The following CA10 variants were observed in gnomAD, a reference collection of about 807,000 sequenced individuals.
The protein encoded by CA10 is carbonic anhydrase 10 (inactive), also known as carbonic anhydrase-related protein 10.
Under a neutral mutation model 44.2 loss-of-function variants are expected in CA10, and 14 were observed. That is an observed-to-expected ratio of 0.32 (90% CI 0.21 to 0.50). CA10 has a LOEUF of 0.50. Ranked by LOEUF, CA10 falls within the 20% of genes least tolerant of loss-of-function variation. The pLI is 0.99. For synonymous variants in CA10, 159 were observed against 141.6 expected, an observed-to-expected ratio of 1.12 and a Z score of -0.87; for missense variants, 350 against 409.7, an observed-to-expected ratio of 0.85 and a Z score of 1.26.
chr17:51,886,812 G>A (rs913964182), intron 3 of CA10, among the ~76,000 whole-genome samples: 2 of 152,164 alleles, frequency 1.3e-5, no homozygotes, highest in African/African-American at 4.8e-5. Flanking sequence ...TTTGTTCTCT[G>A]TTTGAGCTTG....
chr17:51,646,480 G>A (rs1913342655), intron 6 of CA10, among the ~76,000 whole-genome samples: 1 of 152,132 alleles, frequency 6.6e-6, no homozygotes, highest in Non-Finnish European at 1.5e-5. Context: ...TCAGTAGCAT[G>A]GTAGAAATGG....
At chr17:51,930,418 G>T (rs1032317639) in intron 3 of CA10, among the ~76,000 whole-genome samples, 14 of 152,094 alleles carry the variant, frequency 9.2e-5, no homozygotes, top group African/African-American at 3.1e-4. Context: ...AGCTCGTTAT[G>T]GGGGGAGGAG....
At chr17:51,688,062 G>A (rs1227620176) in intron 4 of CA10, among the ~76,000 whole-genome samples, 1 of 152,186 alleles carries the variant, frequency 6.6e-6, no homozygotes, top group African/African-American at 2.4e-5. Context: ...GCTTTGGGGG[G>A]AGATGGCTGC....
At chr17:51,665,668 C>T (rs1914179281) in intron 4 of CA10, among the ~76,000 whole-genome samples, 1 of 152,196 alleles carries the variant, frequency 6.6e-6, no homozygotes, top group Admixed American at 6.5e-5. Flanking sequence ...TACAAATCTG[C>T]ACAGCATGTT....
chr17:51,757,309 C>T (rs1270672982), intron 3 of CA10, among the ~76,000 whole-genome samples: 1 of 152,150 alleles, frequency 6.6e-6, no homozygotes, highest in African/African-American at 2.4e-5. Context: ...AAACTGGAGT[C>T]AAATCATTGG....
At chr17:52,048,044 T>TAAAA (rs5820901) in intron 2 of CA10, among the ~76,000 whole-genome samples, 10 of 149,496 alleles carry the variant, frequency 6.7e-5, no homozygotes, top group South Asian at 2.1e-4. Flanking sequence ...CCACAAAAAT[T>TAAAA]AAAAAAAAAA....
chr17:52,003,064 A>C (rs1985481604), intron 2 of CA10, among the ~76,000 whole-genome samples: 1 of 151,970 alleles, frequency 6.6e-6, no homozygotes, highest in Admixed American at 6.6e-5. Flanking sequence ...TGTTCTTTCT[A>C]GAGATCAAGC....
chr17:51,971,617 T>C (rs1232221396), intron 2 of CA10, among the ~76,000 whole-genome samples: 1 of 152,056 alleles, frequency 6.6e-6, no homozygotes, highest in Non-Finnish European at 1.5e-5. Flanking sequence ...GTTAATCTTA[T>C]TTACTGATTT....
intron 4 of CA10, among the ~76,000 whole-genome samples, chr17:51,662,398 A>G (rs773488648): frequency 5.9e-5 from 9 of 152,214 alleles, no homozygotes; most frequent in Non-Finnish European, 1.2e-4. Flanking sequence ...AGGCACAGAG[A>G]GGTTAAGCAC....
At chr17:51,976,623 T>C (rs894395443) in intron 2 of CA10, among the ~76,000 whole-genome samples, 1 of 152,016 alleles carries the variant, frequency 6.6e-6, no homozygotes, top group African/African-American at 2.4e-5. Context: ...GGGAAATTTA[T>C]AGTGTTACAT....
At chr17:52,084,184 G>A (rs1354379926) in intron 1 of CA10, among the ~76,000 whole-genome samples, 1 of 152,170 alleles carries the variant, frequency 6.6e-6, no homozygotes, top group African/African-American at 2.4e-5. Context: ...TCTTCGCTGG[G>A]ACAAAGCCCA....
At chr17:51,703,393 T>C (rs1318416285) in intron 4 of CA10, among the ~76,000 whole-genome samples, 1 of 152,062 alleles carries the variant, frequency 6.6e-6, no homozygotes. Context: ...ACTGGGAGTG[T>C]CCCTAGCAGA....
intron 4 of CA10, among the ~76,000 whole-genome samples, chr17:51,667,694 G>A (rs1017983107): frequency 2.0e-4 from 31 of 152,128 alleles, no homozygotes; most frequent in African/African-American, 7.5e-4. Context: ...GTTTTACAGA[G>A]GGATCTTTGG....
intron 1 of CA10, among the ~76,000 whole-genome samples, chr17:52,157,307 G>A (rs1183958293): frequency 1.3e-5 from 2 of 152,108 alleles, no homozygotes; most frequent in Non-Finnish European, 2.9e-5. Flanking sequence ...AAAGTGGTTA[G>A]ATACCCGGGC....
At position 51,635,879 on chromosome 17, in the gene CA10, T is replaced by C. The variant is rs201459353; in HGVS notation, c.765A>G (p.Lys255=). The change falls in exon 7 of 9, where the codon AAA becomes AAG. Residue 255 remains lysine, a synonymous_variant. Transcript: ENST00000451037. The part of the protein sequence containing the change: ...YETASWIIMN[K]PVYITRMQMH... ...CCTGCATCCTGGTTATATAGACAGG[T>C]TTGTTCATTATGATCCAACTTGCTG... 6 of 1,604,356 alleles carry C rather than the reference T, an allele frequency of 3.7e-6. No homozygotes were observed. The African/African-American group carries it at 5.3e-5, about 14-fold the overall frequency.
chr17:52,136,950 T>C (rs146136026), intron 1 of CA10, among the ~76,000 whole-genome samples: 33 of 152,314 alleles, frequency 2.2e-4, no homozygotes, highest in African/African-American at 7.7e-4. Flanking sequence ...TTTTACTAAA[T>C]GAACTGGTAA....
intron 6 of CA10, among the ~76,000 whole-genome samples, chr17:51,638,403 C>T (rs913758511): frequency 6.6e-6 from 1 of 152,176 alleles, no homozygotes; most frequent in Non-Finnish European, 1.5e-5. Context: ...ATGTTTCTAC[C>T]TTTCCGTCAA....
intron 4 of CA10, among the ~76,000 whole-genome samples, chr17:51,664,557 CAA>C (rs11367609): frequency 0.04 from 5,534 of 137,040 alleles, 125 homozygotes; most frequent in East Asian, 0.069. Context: ...ATGAAGTATA[CAA>C]AAAAAAAAAA....
intron 2 of CA10, among the ~76,000 whole-genome samples, chr17:52,026,398 CT>C (rs1275176104): frequency 2.6e-5 from 4 of 152,202 alleles, no homozygotes; most frequent in East Asian, 1.9e-4. Flanking sequence ...TACTATGTCC[CT>C]TTTTTTCTAG....
Sources: allele counts gnomAD v4.1 joint callset (sites outside exome capture counted in the v4.1 genomes callset), GRCh38; gene constraint gnomAD v4.1.1; transcripts MANE v1.5; gene names NCBI Gene and HGNC (gene_info 2026-07-23, HGNC 2026-07-21).